Variants in SYNDIG1 observed in about 807,000 individuals in gnomAD.
The protein encoded by SYNDIG1 is synapse differentiation-inducing gene protein 1.
A neutral mutation model predicts 19.4 loss-of-function variants in SYNDIG1; 9 were observed. That is an observed-to-expected ratio of 0.46 (90% CI 0.28 to 0.81). SYNDIG1 has a LOEUF of 0.81. SYNDIG1 is among the 30% of genes least tolerant of loss of function. The probability of loss-of-function intolerance (pLI) is 0.12; values close to 1 mark genes in which losing one functional copy is unlikely to be tolerated. For synonymous variants in SYNDIG1, 141 were observed against 145.9 expected, an observed-to-expected ratio of 0.97 and a Z score of 0.24; for missense variants, 311 against 343.3, an observed-to-expected ratio of 0.91 and a Z score of 0.74.
Position 24,569,944 on chromosome 20 carries a change from A to G in SYNDIG1, c.481-14912A>G, listed in dbSNP as rs748013867. Reference sequence around the variant, plus strand: ...TTCTTTTAAGTGTTCTGTCTGTTGTATCTATTTGAAGTGCAGGTTGATGCC... The same window carrying G: ...TTCTTTTAAGTGTTCTGTCTGTTGTGTCTATTTGAAGTGCAGGTTGATGCC... On this transcript the variant is annotated intron_variant, in intron 2 of 3. Coordinates refer to ENST00000376862, the MANE Select transcript of SYNDIG1 (RefSeq NM_024893.3). 3.9e-5 allele frequency among the ~76,000 whole-genome samples: 6 copies of G among 152,222 alleles called. 1 individual carries two copies. The highest frequency in any genetic ancestry group is 8.8e-5 in the Non-Finnish European group (6 of 68,046).
At chr20:24,650,955 C>A (rs1373165434) in intron 3 of SYNDIG1, among the ~76,000 whole-genome samples, 1 of 152,146 alleles carries the variant, frequency 6.6e-6, no homozygotes, top group Non-Finnish European at 1.5e-5. Flanking sequence ...CCTGAGTGAG[C>A]TTCCCAAGTA....
rs188203003 is a variant in SYNDIG1 at position 24,622,629 on chromosome 20, C to A, written c.618+37636C>A. ...CTTATGAGAATCTAATGCCTGATGA[C>A]CTGAGATGGAACAGTTTCATCCCGA... On this transcript the variant is annotated intron_variant, in intron 3 of 3. Coordinates refer to ENST00000376862, the MANE Select transcript of SYNDIG1 (RefSeq NM_024893.3). Among the ~76,000 whole-genome samples the A allele has an allele frequency of 2.6e-5, 4 of 152,298 alleles. No homozygotes were observed. The South Asian group carries it at 6.2e-4, about 24-fold the overall frequency.
intron 3 of SYNDIG1, among the ~76,000 whole-genome samples, chr20:24,617,913 G>C (rs2058966575): frequency 6.8e-6 from 1 of 148,130 alleles, no homozygotes; most frequent in Non-Finnish European, 1.5e-5. Flanking sequence ...GGAAAGCCTG[G>C]AGAAGCGGGA....
At chr20:24,534,180 A>G (rs533288146) in intron 1 of SYNDIG1, among the ~76,000 whole-genome samples, 1 of 152,102 alleles carries the variant, frequency 6.6e-6, no homozygotes, top group South Asian at 2.1e-4. Flanking sequence ...TCACATTTCA[A>G]CCTGAGATTT....
chr20:24,615,225 C>G (rs762509202), intron 3 of SYNDIG1, among the ~76,000 whole-genome samples: 19 of 152,196 alleles, frequency 1.2e-4, no homozygotes, highest in Non-Finnish European at 2.5e-4. Flanking sequence ...TCTAACGATC[C>G]TCACATTCCA....
intron 1 of SYNDIG1, among the ~76,000 whole-genome samples, chr20:24,508,590 A>C (rs2056665133): frequency 6.6e-6 from 1 of 152,234 alleles, no homozygotes; most frequent in Non-Finnish European, 1.5e-5. Flanking sequence ...AATAAAAGAG[A>C]TTTTTAAACA....
At chr20:24,542,745 C>T (rs1202350224) in intron 1 of SYNDIG1, among the ~76,000 whole-genome samples, 1 of 152,196 alleles carries the variant, frequency 6.6e-6, no homozygotes, top group African/African-American at 2.4e-5. Flanking sequence ...AAAGGTTCCT[C>T]TAGGCTGCAA....
chr20:24,549,068 G>A (rs1301228043), intron 2 of SYNDIG1, among the ~76,000 whole-genome samples: 3 of 151,896 alleles, frequency 2.0e-5, no homozygotes, highest in Non-Finnish European at 2.9e-5. Flanking sequence ...CTTTGTGTTG[G>A]GAGCATTCAA....
rs371683755 is a variant in SYNDIG1, at chr20:24,629,871, G to A, written c.619-35475G>A. On this transcript the variant is annotated intron_variant, in intron 3 of 3. Coordinates refer to ENST00000376862, the MANE Select transcript of SYNDIG1 (RefSeq NM_024893.3). ...CGGAACTGAGATATTATCAGCTGCC[G>A]AGATAACTGCTTGGAGACAGGCAAG... Among the ~76,000 whole-genome samples, 326 of 152,288 alleles carry A rather than the reference G, an allele frequency of 2.1e-3. 2 individuals are homozygous for A. Among genetic ancestry groups the A allele is most frequent in the Non-Finnish European group, 1.6e-3 (111 of 68,030 alleles).
At chr20:24,616,588 T>C (rs73902786) in intron 3 of SYNDIG1, among the ~76,000 whole-genome samples, 1,908 of 152,250 alleles carry the variant, frequency 0.013, 44 homozygotes, top group African/African-American at 0.044. Flanking sequence ...CAGGAGCTGA[T>C]TTGCGGGGAG....
chr20:24,566,839 T>A lies in SYNDIG1; in HGVS notation c.481-18017T>A, dbSNP rs572871329. Among the ~76,000 whole-genome samples the A allele has an allele frequency of 2.2e-4, 34 of 152,320 alleles. 1 individual carries two copies. Among genetic ancestry groups the A allele is most frequent in the African/African-American group, 7.9e-4 (33 of 41,576 alleles). On this transcript the variant is annotated intron_variant, in intron 2 of 3. Coordinates refer to ENST00000376862, the MANE Select transcript of SYNDIG1 (RefSeq NM_024893.3). ...CTCCCAGGGCAGGTTGGGGCGGGACTGAGAGTCTGCATTCCTACGGCTGCT... is the reference window on the plus strand; with the variant it reads ...CTCCCAGGGCAGGTTGGGGCGGGACAGAGAGTCTGCATTCCTACGGCTGCT...
intron 3 of SYNDIG1, among the ~76,000 whole-genome samples, chr20:24,620,966 G>T (rs2059028910): frequency 6.6e-6 from 1 of 152,146 alleles, no homozygotes; most frequent in African/African-American, 2.4e-5. Flanking sequence ...AACCTCTCAG[G>T]TGCCCGTTGG....
chr20:24,478,016 C>A (rs1170772547), intron 1 of SYNDIG1, among the ~76,000 whole-genome samples: 1 of 152,258 alleles, frequency 6.6e-6, no homozygotes, highest in Non-Finnish European at 1.5e-5. Context: ...AGTGGCTGAG[C>A]ATCCTCTCTT....
At chr20:24,518,892 A>G (rs1472118341) in intron 1 of SYNDIG1, among the ~76,000 whole-genome samples, 1 of 152,226 alleles carries the variant, frequency 6.6e-6, no homozygotes, top group Non-Finnish European at 1.5e-5. Context: ...TCTTCTGGCA[A>G]CCACAGACAC....
chr20:24,504,089 A>T (rs940958712), intron 1 of SYNDIG1, among the ~76,000 whole-genome samples: 11 of 151,242 alleles, frequency 7.3e-5, no homozygotes, highest in African/African-American at 2.4e-4. Context: ...CCTCCTGAGT[A>T]GCTGGGACTA....
At chr20:24,662,129 T>C (rs910007791) in intron 3 of SYNDIG1, among the ~76,000 whole-genome samples, 1 of 151,798 alleles carries the variant, frequency 6.6e-6, no homozygotes, top group Non-Finnish European at 1.5e-5. Flanking sequence ...CCAGCGGTGG[T>C]ACGAGGTGGC....
chr20:24,582,465 C>T (rs1361535932), intron 2 of SYNDIG1, among the ~76,000 whole-genome samples: 2 of 141,668 alleles, frequency 1.4e-5, no homozygotes, highest in Non-Finnish European at 3.1e-5. Context: ...TCCCCCTGCA[C>T]GTGCTTCCCC....
chr20:24,641,095 T>C (rs1464944076), intron 3 of SYNDIG1, among the ~76,000 whole-genome samples: 1 of 152,256 alleles, frequency 6.6e-6, no homozygotes, highest in African/African-American at 2.4e-5. Flanking sequence ...GTAGTTTCTA[T>C]TCATGAGCAC....
intron 1 of SYNDIG1, among the ~76,000 whole-genome samples, chr20:24,537,519 C>G (rs1234980095): frequency 6.6e-6 from 1 of 152,078 alleles, no homozygotes; most frequent in Non-Finnish European, 1.5e-5. Context: ...CTTGTTTTCC[C>G]TGTATGGTAT....
Sources: allele counts gnomAD v4.1 joint callset (sites outside exome capture counted in the v4.1 genomes callset), GRCh38; gene constraint gnomAD v4.1.1; transcripts MANE v1.5; gene names NCBI Gene and HGNC (gene_info 2026-07-23, HGNC 2026-07-21).